BAHCC1: variants seen among roughly 807,000 people sequenced by gnomAD.
The protein encoded by BAHCC1 is BAH domain and coiled-coil containing 1, also known as BAH and coiled-coil domain-containing protein 1.
Under a neutral mutation model 88.2 loss-of-function variants are expected in BAHCC1, and 43 were observed. That is an observed-to-expected ratio of 0.49 (90% CI 0.38 to 0.63). The LOEUF (loss-of-function observed/expected upper bound fraction) is 0.63. BAHCC1 is among the 20% of genes least tolerant of loss of function. The pLI, the probability that BAHCC1 is intolerant of heterozygous loss-of-function variation, is 0.00. For missense variants in BAHCC1, 3,023 were observed against 1,654.8 expected (o/e 1.83, Z -14.34); for synonymous variants, 1,510 against 745.5 (o/e 2.03, Z -16.71).
Position 81,447,194 on chromosome 17 carries a change from C to T in BAHCC1, c.3322C>T (p.Pro1108Ser), listed in dbSNP as rs1194864709. ...GACATTCCTGCCTGGGGAGCCGCCT[C>T]CCTGCAGCCCCAGGAGCCTGGAGGA... ...TRTFLPGEPP[P>S]CSPRSLEEPG... The change falls in exon 11 of 28, where the codon CCC becomes TCC. Residue 1108 changes from proline (P) to serine (S), a missense_variant. Physicochemically the swap from Pro to Ser is moderately conservative, Grantham distance 74 (BLOSUM62 -1). Transcript: ENST00000675386. 1.3e-6 allele frequency: 1 copy of T among 764,250 alleles called. No homozygotes were observed. Among genetic ancestry groups the T allele is most frequent in the Non-Finnish European group, 2.4e-6 (1 of 410,862 alleles). 47.3% of individuals were successfully genotyped at this position (764,250 alleles called of 1,614,324 possible).
At chr17:81,452,969 A>C (rs116320171) in intron 14 of BAHCC1, 118 bp downstream of exon 14, 41,689 of 591,374 alleles carry the variant, frequency 0.07, 1,764 homozygotes, top group Middle Eastern at 0.1. Flanking sequence ...CTTCACACCT[A>C]CTCTGAAGGC....
chr17:81,431,410 C>T lies in BAHCC1; in HGVS notation c.358+4431C>T, dbSNP rs1181419397. 4.6e-5 allele frequency among the ~76,000 whole-genome samples: 7 copies of T among 152,196 alleles called. No individual in the cohort carries two copies. The East Asian group carries it at 1.4e-3, about 29-fold the overall frequency. ...CAGTCACTGTTGAGTGCAGGGGTTT[C>T]ATCCCGTGGCCATGGTGACCAGCAC... On this transcript the variant is annotated intron_variant, in intron 3 of 27. Coordinates refer to ENST00000675386, the MANE Select transcript of BAHCC1 (RefSeq NM_001377448.1).
rs2064205345 is a variant in BAHCC1 at position 81,426,814 on chromosome 17, A to T, written c.193A>T (p.Met65Leu). Reference protein sequence around the residue: ...MASHTASSRLMGSSPASSFMG... With the variant: ...MASHTASSRLLGSSPASSFMG... ...TGTGTCCACAGCCAGCAGCCGCCTG[A>T]TGGGAAGTTCTCCGGCCTCCTCGTT... The change falls in exon 3 of 28, where the codon ATG becomes TTG. Residue 65 changes from methionine (M) to leucine (L), a missense_variant. Coordinates refer to ENST00000675386, the MANE Select transcript of BAHCC1 (RefSeq NM_001377448.1). 2 of 398,688 alleles carry T rather than the reference A, an allele frequency of 5.0e-6. No individual in the cohort carries two copies. Among genetic ancestry groups the T allele is most frequent in the Admixed American group, 8.8e-5 (2 of 22,700 alleles). The allele number at this position is 398,688 out of a possible 1,614,324, so 24.7% of individuals were successfully genotyped here. A position where few individuals can be genotyped will look rare whatever the true frequency, so the allele number is the denominator to read the frequency against.
chr17:81,440,926 GC>G (rs1441312051), intron 4 of BAHCC1, among the ~76,000 whole-genome samples: 2 of 152,204 alleles, frequency 1.3e-5, no homozygotes, highest in Non-Finnish European at 2.9e-5. Flanking sequence ...CCCTTCCTCC[GC>G]GACCCACCCG....
rs908756727 is a variant in BAHCC1, at chr17:81,435,855, C to T, written c.359-2515C>T. 6.6e-5 allele frequency among the ~76,000 whole-genome samples: 10 copies of T among 152,150 alleles called. No individual in the cohort carries two copies. The highest frequency in any genetic ancestry group is 2.1e-4 in the South Asian group (1 of 4,822). On this transcript the variant is annotated intron_variant, in intron 3 of 27. Coordinates refer to ENST00000675386, the MANE Select transcript of BAHCC1 (RefSeq NM_001377448.1). The surrounding 1 kb of genome is among the most constrained non-coding windows in gnomAD (Gnocchi z 4.4). ...CCCTTCCAGGATGCCTGTGTGTCCC[C>T]GGCCCAGCCACAGCAGCCCTGCCTT...
chr17:81,456,284 T>A lies in BAHCC1; in HGVS notation c.4570-13T>A. On this transcript the variant is annotated splice_polypyrimidine_tract_variant and intron_variant, in intron 15 of 27. Transcript: ENST00000675386. ...GGCGCCCTGAGAGTGCAGCTGCCCC[T>A]CCCTGTTCACAGGAGAAGGCGCAGT... 2.8e-6 allele frequency: 2 copies of A among 707,960 alleles called. No homozygotes were observed. Among genetic ancestry groups the A allele is most frequent in the Non-Finnish European group, 5.2e-6 (2 of 382,572 alleles). The allele number at this position is 707,960 out of a possible 1,614,324, so 43.9% of individuals were successfully genotyped here.
chr17:81,455,135 T>G lies in BAHCC1; in HGVS notation c.4446-132T>G. 4 of 624,630 alleles carry G rather than the reference T, an allele frequency of 6.4e-6. No individual in the cohort carries two copies. The South Asian group carries it at 7.2e-5, about 11-fold the overall frequency. 38.7% of individuals were successfully genotyped at this position (624,630 alleles called of 1,614,324 possible). On this transcript the variant is annotated intron_variant, in intron 14 of 27. Coordinates refer to ENST00000675386, the MANE Select transcript of BAHCC1 (RefSeq NM_001377448.1). ...GCCCCCGGGGCCCCTCACCCCCTGC[T>G]CTGTCTGCCCGAGACGTGGGGCCCT...
At chr17:81,409,979 T>C in intron 2 of BAHCC1, 1 of 240,264 alleles carries the variant, frequency 4.2e-6, no homozygotes, top group Admixed American at 5.0e-5. Flanking sequence ...CCAAGCCACC[T>C]TGGCTGCAGC....
In BAHCC1 at chr17:81,442,209, C is replaced by T; in HGVS notation, c.860C>T (p.Thr287Ile). ...PKHLTSCLLN[T>I]KVLNGEMGRA... ...CACCTCACCTCCTGCCTCCTCAACA[C>T]CAAGGTGCTCAACGGCGAGATGGGC... The change falls in exon 5 of 28, where the codon ACC (threonine) becomes ATC (isoleucine). Residue 287 changes from threonine to isoleucine, a missense_variant. Transcript: ENST00000675386. 1 of 655,008 alleles carries T rather than the reference C, an allele frequency of 1.5e-6. No individual in the cohort carries two copies. Among genetic ancestry groups the T allele is most frequent in the South Asian group, 1.7e-5 (1 of 58,424 alleles). The allele number at this position is 655,008 out of a possible 1,614,324, so 40.6% of individuals were successfully genotyped here. A position where few individuals can be genotyped will look rare whatever the true frequency, so the allele number is the denominator to read the frequency against.
In BAHCC1 at chr17:81,417,288, C is replaced by T. The variant is rs916987261; in HGVS notation, c.179-9512C>T. 6.6e-5 allele frequency among the ~76,000 whole-genome samples: 10 copies of T among 152,238 alleles called. No individual in the cohort carries two copies. The East Asian group carries it at 1.4e-3, about 21-fold the overall frequency. On this transcript the variant is annotated intron_variant, in intron 2 of 27. Coordinates refer to ENST00000675386, the MANE Select transcript of BAHCC1 (RefSeq NM_001377448.1). The stretch of plus-strand genomic sequence containing the variant: ...GCGGGGGGCGGCGCCGAGGGAGTGG[C>T]GCTGACCACCCTGGTTGCATTCCCA...
At chr17:81,417,555 A>ACC (rs58215427) in intron 2 of BAHCC1, among the ~76,000 whole-genome samples, 7,194 of 129,826 alleles carry the variant, frequency 0.055, 300 homozygotes, top group African/African-American at 0.14. Context: ...AGCGTCGGCC[A>ACC]CCCCCCCCCC....
rs782271867 is a variant in BAHCC1 at position 81,460,948 on chromosome 17, G to T, written c.6285G>T (p.Leu2095Phe). The change falls in exon 26 of 28, where the codon TTG (leucine) becomes TTT (phenylalanine). Residue 2095 changes from leucine to phenylalanine, a missense_variant. Leu to Phe is a conservative substitution (Grantham distance 22, BLOSUM62 0). Transcript: ENST00000675386. ...TCCTGGGCCGCCGTGGCAGCCCCTT[G>T]CTGAGCTGGTCCGCGGTGGCGCAGA... ...DHFLGRRGSP[L>F]LSWSAVAQTK... The T allele has an allele frequency of 1.4e-5, 11 of 771,280 alleles. No homozygotes were observed. The highest frequency in any genetic ancestry group is 2.6e-5 in the Non-Finnish European group (11 of 417,852). The allele number at this position is 771,280 out of a possible 1,614,324, so 47.8% of individuals were successfully genotyped here. A position where few individuals can be genotyped will look rare whatever the true frequency, so the allele number is the denominator to read the frequency against.
intron 7 of BAHCC1, 46 bp downstream of exon 7, chr17:81,444,614 C>G (rs368637263): frequency 1.3e-6 from 1 of 751,996 alleles, no homozygotes; most frequent in South Asian, 1.4e-5. Context: ...GATGAGGGTT[C>G]CCTCCTGGTC....
intron 2 of BAHCC1, among the ~76,000 whole-genome samples, chr17:81,423,297 G>A (rs1555649833): frequency 6.6e-6 from 1 of 152,220 alleles, no homozygotes; most frequent in Admixed American, 6.5e-5. Flanking sequence ...CCCTGGGCTG[G>A]GAACTGGCTC....
rs1236168962 is a variant in BAHCC1, at chr17:81,456,444, G to T, written c.4717G>T (p.Gly1573Trp). 1.4e-6 allele frequency: 1 copy of T among 722,108 alleles called. No homozygotes were observed. The highest frequency in any genetic ancestry group is 2.6e-6 in the Non-Finnish European group (1 of 387,992). The allele number at this position is 722,108 out of a possible 1,614,324, so 44.7% of individuals were successfully genotyped here. A position where few individuals can be genotyped will look rare whatever the true frequency, so the allele number is the denominator to read the frequency against. ...SFQQKEATPG[G>W]RIREKLSRAK... is the part of the protein sequence containing the mutation. ...CCAGCAGAAGGAGGCTACCCCCGGGGGGCGCATCCGGGAGAAGCTGTCCCG... is the reference window on the plus strand; with the variant it reads ...CCAGCAGAAGGAGGCTACCCCCGGGTGGCGCATCCGGGAGAAGCTGTCCCG... The change falls in exon 16 of 28, where the codon GGG (glycine) becomes TGG (tryptophan). Residue 1573 changes from glycine to tryptophan, a missense_variant. Coordinates refer to ENST00000675386, the MANE Select transcript of BAHCC1 (RefSeq NM_001377448.1).
chr17:81,425,237 T>G (rs2064167848), intron 2 of BAHCC1, among the ~76,000 whole-genome samples: 2 of 38,960 alleles, frequency 5.1e-5, no homozygotes, highest in African/African-American at 1.2e-4. Context: ...GTGATGTGGT[T>G]GGGGGTGATA....
Position 81,442,012 on chromosome 17 carries a change from C to T in BAHCC1, c.663C>T (p.Gly221=), listed in dbSNP as rs1598486207. 2 of 738,770 alleles carry T rather than the reference C, an allele frequency of 2.7e-6. No homozygotes were observed. Among genetic ancestry groups the T allele is most frequent in the East Asian group, 5.0e-5 (2 of 39,850 alleles). The allele number at this position is 738,770 out of a possible 1,614,324, so 45.8% of individuals were successfully genotyped here. ...GPKDFDRFLV[G]KELGREKAGK... is the part of the protein sequence containing the mutation. ...AGGACTTCGACCGCTTCCTCGTGGG[C>T]AAAGAGCTGGGCAGAGAGAAGGCGG... Residue 221 remains glycine, a synonymous_variant, in exon 5 of 28, where the codon GGC becomes GGT. Transcript: ENST00000675386.
chr17:81,435,084 G>A lies in BAHCC1; in HGVS notation c.359-3286G>A, dbSNP rs2064317682. 6.6e-6 allele frequency among the ~76,000 whole-genome samples: 1 copy of A among 151,886 alleles called. No individual in the cohort carries two copies. ...TGCCCTCCCACTCCTCTGTCCTTCA[G>A]CCCTGCCCCAGGGGCACCCCCGACC... On this transcript the variant is annotated intron_variant, in intron 3 of 27. Coordinates refer to ENST00000675386, the MANE Select transcript of BAHCC1 (RefSeq NM_001377448.1). This position sits in a 1 kb window ranked among gnomAD's most constrained non-coding sequence, Gnocchi z 4.4.
chr17:81,460,509 C>A (rs1555658836), intron 24 of BAHCC1, 21 bp from the exon 25 acceptor site: 1 of 736,928 alleles, frequency 1.4e-6, no homozygotes, highest in East Asian at 2.5e-5. Flanking sequence ...CACTGAAGCC[C>A]TTGGCCCATG....
Sources: gnomAD v4.1 joint callset for allele counts (sites outside exome capture counted in the v4.1 genomes callset) on GRCh38, gnomAD v4.1.1 for gene constraint, Gnocchi (gnomAD v3.1) non-coding constraint, MANE v1.5 for transcripts, NCBI Gene and HGNC (gene_info 2026-07-23, HGNC 2026-07-21) for gene names.